Variants in KCNMA1 observed in about 807,000 individuals in gnomAD.
KCNMA1 encodes the protein potassium calcium-activated channel subfamily M alpha 1.
Under a neutral mutation model 140.0 loss-of-function variants are expected in KCNMA1, and 29 were observed. The observed-to-expected ratio is 0.21, with a 90% CI of 0.15 to 0.28. KCNMA1 has a LOEUF of 0.28. Ranked by LOEUF, KCNMA1 falls within the 10% of genes least tolerant of loss-of-function variation. The pLI is 1.00. For missense variants in KCNMA1, 880 were observed against 1,602.2 expected (o/e 0.55, Z 7.70); for synonymous variants, 612 against 611.9 (o/e 1.00, Z 0.00).
chr10:77,268,731 A>G (rs189555765), intron 2 of KCNMA1, among the ~76,000 whole-genome samples: 82 of 152,306 alleles, frequency 5.4e-4, no homozygotes, highest in African/African-American at 1.8e-3. Flanking sequence ...ACCTCAAGTA[A>G]TAAAGCAGGG....
intron 22 of KCNMA1, among the ~76,000 whole-genome samples, chr10:76,946,807 G>A (rs779074079): frequency 2.6e-5 from 4 of 152,178 alleles, no homozygotes; most frequent in Non-Finnish European, 4.4e-5. Flanking sequence ...TTGTACACAC[G>A]TGATTTCAAA....
At chr10:76,916,504 C>T (rs1419215298) in intron 23 of KCNMA1, among the ~76,000 whole-genome samples, 1 of 152,226 alleles carries the variant, frequency 6.6e-6, no homozygotes, top group Non-Finnish European at 1.5e-5. Flanking sequence ...CATACGGCAG[C>T]TCCACGCAAG....
chr10:77,014,445 A>AG (rs1310615084), intron 17 of KCNMA1, among the ~76,000 whole-genome samples: 1 of 152,108 alleles, frequency 6.6e-6, no homozygotes, highest in Non-Finnish European at 1.5e-5. Flanking sequence ...AAAAAAAAAA[A>AG]AAAAAAATCT....
chr10:77,523,462 C>CTT (rs1603632582), intron 1 of KCNMA1, among the ~76,000 whole-genome samples: 1 of 152,328 alleles, frequency 6.6e-6, no homozygotes, highest in East Asian at 1.9e-4. Context: ...GAATGCAAGC[C>CTT]TGGTAACCTC....
chr10:76,899,916 C>T (rs1031186749), intron 25 of KCNMA1, among the ~76,000 whole-genome samples: 1 of 151,956 alleles, frequency 6.6e-6, no homozygotes, highest in African/African-American at 2.4e-5. Flanking sequence ...CCCAAAACAC[C>T]ATGAATCACA....
At chr10:77,145,096 T>C (rs1023408132) in intron 5 of KCNMA1, among the ~76,000 whole-genome samples, 1 of 152,118 alleles carries the variant, frequency 6.6e-6, no homozygotes, top group Non-Finnish European at 1.5e-5. Context: ...TCTCCTACTG[T>C]AAATAAAAAC....
chr10:77,548,827 G>A (rs888150431), intron 1 of KCNMA1, among the ~76,000 whole-genome samples: 3 of 152,140 alleles, frequency 2.0e-5, no homozygotes, highest in African/African-American at 7.2e-5. Context: ...GTAATTATTG[G>A]GCATCTACTA....
intron 1 of KCNMA1, among the ~76,000 whole-genome samples, chr10:77,588,611 G>A (rs1156878951): frequency 6.6e-6 from 1 of 152,208 alleles, no homozygotes; most frequent in Non-Finnish European, 1.5e-5. Flanking sequence ...AGGAAGACCG[G>A]AAGCTGGGCC....
At chr10:76,968,276 A>G (rs1331197970) in intron 20 of KCNMA1, among the ~76,000 whole-genome samples, 2 of 152,196 alleles carry the variant, frequency 1.3e-5, no homozygotes, top group African/African-American at 4.8e-5. Flanking sequence ...CACCTCATAC[A>G]GAAGACCTGT....
At chr10:77,307,027 C>A (rs1353323655) in intron 2 of KCNMA1, among the ~76,000 whole-genome samples, 2 of 152,228 alleles carry the variant, frequency 1.3e-5, no homozygotes, top group Non-Finnish European at 2.9e-5. Context: ...CAGCTCAAGT[C>A]ATCCCCAGAC....
chr10:77,189,142 A>G (rs1302842174), intron 3 of KCNMA1, among the ~76,000 whole-genome samples: 3 of 152,002 alleles, frequency 2.0e-5, no homozygotes, highest in Non-Finnish European at 1.5e-5. Context: ...TGCATTTCTT[A>G]CAGTTTCCCA....
chr10:77,082,115 G>A (rs186948172), intron 12 of KCNMA1, among the ~76,000 whole-genome samples: 88 of 135,648 alleles, frequency 6.5e-4, no homozygotes, highest in African/African-American at 2.1e-3. Flanking sequence ...TGCAACCTCC[G>A]CCTCCTGGGT....
intron 2 of KCNMA1, among the ~76,000 whole-genome samples, chr10:77,366,467 C>A (rs1355503950): frequency 6.6e-6 from 1 of 152,178 alleles, no homozygotes; most frequent in Non-Finnish European, 1.5e-5. Context: ...CCACGCCCGG[C>A]CACATGTGCT....
At chr10:77,149,446 C>T (rs755548837) in intron 5 of KCNMA1, among the ~76,000 whole-genome samples, 13 of 152,160 alleles carry the variant, frequency 8.5e-5, no homozygotes, top group Non-Finnish European at 1.2e-4. Flanking sequence ...GGCTGTGTGA[C>T]TTGTCTCCTT....
At position 77,567,902 on chromosome 10, in the gene KCNMA1, G is replaced by A. The variant is rs1408627997; in HGVS notation, c.378+69363C>T. 2.6e-5 allele frequency among the ~76,000 whole-genome samples: 4 copies of A among 152,188 alleles called. No individual in the cohort carries two copies. In the South Asian group the frequency reaches 8.3e-4, roughly 32 times the overall value. ...AGCTCAGGAGTCCAACACTAGCCTG[G>A]CCAACATGGTGAAACCCTGTCTCTA... On this transcript the variant is annotated intron_variant, in intron 1 of 27. Coordinates refer to ENST00000286628, the MANE Select transcript of KCNMA1 (RefSeq NM_001161352.2).
At chr10:77,141,133 A>G (rs1477185966) in intron 5 of KCNMA1, among the ~76,000 whole-genome samples, 2 of 152,148 alleles carry the variant, frequency 1.3e-5, no homozygotes, top group Non-Finnish European at 2.9e-5. Context: ...TGCTAATCCT[A>G]CATACAGGAC....
chr10:77,430,902 C>A (rs1367796844), intron 1 of KCNMA1, among the ~76,000 whole-genome samples: 1 of 152,170 alleles, frequency 6.6e-6, no homozygotes. Flanking sequence ...TGTCCATCAA[C>A]ATGCCTTGAT....
chr10:77,081,139 G>A (rs186881952), intron 12 of KCNMA1, among the ~76,000 whole-genome samples: 5 of 152,230 alleles, frequency 3.3e-5, no homozygotes, highest in African/African-American at 1.2e-4. Flanking sequence ...GGGGCAGAGC[G>A]CAGATGAATG....
chr10:77,634,983 A>G (rs1372095226), intron 1 of KCNMA1: 1 of 152,194 alleles, frequency 6.6e-6, no homozygotes, highest in East Asian at 1.9e-4. Context: ...CGGTATCAAA[A>G]GGAACCTGCA....
Sources: allele counts gnomAD v4.1 joint callset (sites outside exome capture counted in the v4.1 genomes callset), GRCh38; gene constraint gnomAD v4.1.1; transcripts MANE v1.5; gene names NCBI Gene and HGNC (gene_info 2026-07-23, HGNC 2026-07-21).